FBXL13: variants seen among roughly 807,000 people sequenced by gnomAD.
The protein encoded by FBXL13 is F-box and leucine rich repeat protein 13.
A neutral mutation model predicts 83.6 loss-of-function variants in FBXL13; 67 were observed. The ratio of observed to expected loss-of-function variants is 0.80; its 90% CI spans 0.66 to 0.98. The LOEUF (loss-of-function observed/expected upper bound fraction) is 0.98, where lower values mean the gene tolerates loss of function less well. Ranked by LOEUF, FBXL13 falls within the 50% of genes least tolerant of loss-of-function variation. The pLI, the probability that FBXL13 is intolerant of heterozygous loss-of-function variation, is 0.00. For missense variants in FBXL13, 822 were observed against 866.5 expected (o/e 0.95, Z 0.64); for synonymous variants, 272 against 299.5 (o/e 0.91, Z 0.95).
In FBXL13 at chr7:103,069,874, C is replaced by T. The variant is rs549050233; in HGVS notation, c.-105+4372G>A. Among the ~76,000 whole-genome samples, 28 of 152,160 alleles carry T rather than the reference C, an allele frequency of 1.8e-4. No homozygotes were observed. In the South Asian group the frequency reaches 2.1e-3, roughly 11 times the overall value. On this transcript the variant is annotated intron_variant, in intron 1 of 19. Transcript: ENST00000313221. ...CAGGTGGATCATGAGGTCAGGAGAT[C>T]GAGACCATCCTGGCTAACACGGTGA...
intron 19 of FBXL13, among the ~76,000 whole-genome samples, chr7:102,815,881 T>C (rs1797931134): frequency 6.6e-6 from 1 of 151,998 alleles, no homozygotes; most frequent in Non-Finnish European, 1.5e-5. Flanking sequence ...AATTAGCAAG[T>C]AGTGGGGGTT....
chr7:103,008,559 C>CA (rs930245313), intron 6 of FBXL13, among the ~76,000 whole-genome samples: 1 of 151,732 alleles, frequency 6.6e-6, no homozygotes, highest in Non-Finnish European at 1.5e-5. Flanking sequence ...ATATAATTGA[C>CA]TTTTTTTTTC....
intron 2 of FBXL13, among the ~76,000 whole-genome samples, chr7:103,041,704 A>C (rs929896148): frequency 7.9e-5 from 12 of 152,256 alleles, no homozygotes; most frequent in African/African-American, 2.9e-4. Flanking sequence ...TCACATAAAC[A>C]GAACCAATGA....
At chr7:102,989,992 C>T (rs1829393005) in intron 6 of FBXL13, among the ~76,000 whole-genome samples, 1 of 152,148 alleles carries the variant, frequency 6.6e-6, no homozygotes, top group African/African-American at 2.4e-5. Flanking sequence ...TTCTCTTTCC[C>T]CAAAACCAGT....
intron 6 of FBXL13, among the ~76,000 whole-genome samples, chr7:103,012,940 T>C (rs1791817499): frequency 1.3e-5 from 2 of 152,108 alleles, no homozygotes; most frequent in Admixed American, 1.3e-4. Flanking sequence ...AGTAAAGGGA[T>C]GGAGAAAAAT....
At chr7:102,852,649 C>A (rs1805440374) in intron 17 of FBXL13, among the ~76,000 whole-genome samples, 1 of 152,162 alleles carries the variant, frequency 6.6e-6, no homozygotes. Context: ...AACCATCTTA[C>A]TCCTGCAAGA....
chr7:102,976,735 G>A (rs956030167), intron 6 of FBXL13, among the ~76,000 whole-genome samples: 1 of 151,972 alleles, frequency 6.6e-6, no homozygotes, highest in East Asian at 1.9e-4. Flanking sequence ...CAGGCCTAAC[G>A]CCTATCATTT....
chr7:102,831,432 C>CA (rs2129447350), intron 18 of FBXL13, among the ~76,000 whole-genome samples: 2 of 145,602 alleles, frequency 1.4e-5, no homozygotes, highest in South Asian at 2.1e-4. Flanking sequence ...CACACACACA[C>CA]CCCACTACAG....
chr7:102,963,336 T>C (rs930963892), intron 8 of FBXL13, among the ~76,000 whole-genome samples, 197 bp downstream of exon 9: 7 of 150,620 alleles, frequency 4.6e-5, no homozygotes, highest in Non-Finnish European at 1.0e-4. Context: ...AAAAAAAGAA[T>C]AGACAAAGAA....
intron 11 of FBXL13, among the ~76,000 whole-genome samples, chr7:102,901,279 T>C (rs1178595989): frequency 6.6e-6 from 1 of 152,242 alleles, no homozygotes; most frequent in African/African-American, 2.4e-5. Flanking sequence ...TTTTAATTTT[T>C]GTGGGTACAT....
downstream of FBXL13, among the ~76,000 whole-genome samples, chr7:102,812,491 G>A (rs1378164566): frequency 1.3e-5 from 2 of 152,158 alleles, no homozygotes; most frequent in Non-Finnish European, 2.9e-5. Context: ...GTTGAGATAA[G>A]TACAGAGTTA....
intron 19 of FBXL13, among the ~76,000 whole-genome samples, chr7:102,813,908 C>T (rs1037915389): frequency 1.3e-5 from 2 of 152,130 alleles, no homozygotes; most frequent in African/African-American, 2.4e-5. Context: ...GCTGACCATG[C>T]ACCAGGCCAG....
intron 17 of FBXL13, among the ~76,000 whole-genome samples, chr7:102,839,193 C>T (rs1358314324): frequency 6.6e-6 from 1 of 152,198 alleles, no homozygotes; most frequent in Non-Finnish European, 1.5e-5. Flanking sequence ...ACGTGCACAT[C>T]CAGGCATAGT....
intron 6 of FBXL13, chr7:102,976,314 A>C: frequency 1.5e-6 from 1 of 649,104 alleles, no homozygotes; most frequent in Non-Finnish European, 2.8e-6. Context: ...AGTCCTCCCA[A>C]GTCTCTATTG....
At chr7:102,871,355 A>G (rs1808502216) in intron 16 of FBXL13, among the ~76,000 whole-genome samples, 1 of 151,966 alleles carries the variant, frequency 6.6e-6, no homozygotes, top group Non-Finnish European at 1.5e-5. Flanking sequence ...TGGGACCTCC[A>G]TCCTCCCAAA....
intron 2 of FBXL13, among the ~76,000 whole-genome samples, chr7:103,029,849 A>G (rs1324788194): frequency 6.6e-6 from 1 of 152,130 alleles, no homozygotes; most frequent in Non-Finnish European, 1.5e-5. Context: ...TTCCTCATTT[A>G]CCAAGCAGGA....
intron 2 of FBXL13, among the ~76,000 whole-genome samples, chr7:103,052,243 T>C (rs1170296565): frequency 6.6e-6 from 1 of 152,188 alleles, no homozygotes; most frequent in Non-Finnish European, 1.5e-5. Context: ...AAAACCAATA[T>C]TCATTTAGTA....
At chr7:102,975,904 C>T (rs77574575) in intron 6 of FBXL13, 151,042 of 757,488 alleles carry the variant, frequency 0.2, 17,559 homozygotes, top group East Asian at 0.44. Flanking sequence ...CCCTGCAGGC[C>T]ATGGGGCCAC....
intron 6 of FBXL13, among the ~76,000 whole-genome samples, chr7:102,997,815 T>C (rs1789971537): frequency 6.6e-6 from 1 of 152,244 alleles, no homozygotes; most frequent in African/African-American, 2.4e-5. Context: ...TATCCATTCA[T>C]CTGTTGATGA....
Sources: allele counts gnomAD v4.1 joint callset (sites outside exome capture counted in the v4.1 genomes callset), GRCh38; gene constraint gnomAD v4.1.1; transcripts MANE v1.5; gene names NCBI Gene and HGNC (gene_info 2026-07-23, HGNC 2026-07-21).